ASTN1: variants seen among roughly 807,000 people sequenced by gnomAD.
The protein encoded by ASTN1 is astrotactin-1.
Under a neutral mutation model 140.7 loss-of-function variants are expected in ASTN1, and 41 were observed. The ratio of observed to expected loss-of-function variants is 0.29; its 90% CI spans 0.23 to 0.38. The LOEUF is 0.38. Among genes scored for constraint, ASTN1 ranks in the 10% least tolerant of loss-of-function variants. The pLI is 1.00. For missense variants in ASTN1, 1,479 were observed against 1,678.8 expected (o/e 0.88, Z 2.08); for synonymous variants, 640 against 652.2 (o/e 0.98, Z 0.29).
chr1:176,955,321 A>C lies in ASTN1; in HGVS notation c.1887+2357T>G, dbSNP rs539552329. On this transcript the variant is annotated intron_variant, in intron 11 of 22. Transcript: ENST00000361833. ...ATATCAGAGCTTTAGGACAGCACCG[A>C]TGCTCACTGGAGATGGGTCAGGCTC... Among the ~76,000 whole-genome samples the C allele has an allele frequency of 5.9e-5, 9 of 152,270 alleles. 1 individual carries two copies. Among genetic ancestry groups the C allele is most frequent in the African/African-American group, 2.2e-4 (9 of 41,558 alleles).
At chr1:177,120,623 G>T (rs1681337261) in intron 1 of ASTN1, among the ~76,000 whole-genome samples, 1 of 152,132 alleles carries the variant, frequency 6.6e-6, no homozygotes, top group African/African-American at 2.4e-5. Context: ...CAGACACAAG[G>T]AGGGCCCTCC....
chr1:177,148,006 T>C (rs976449794), intron 1 of ASTN1, among the ~76,000 whole-genome samples: 46 of 152,222 alleles, frequency 3.0e-4, no homozygotes, highest in African/African-American at 1.0e-3. Context: ...GTCATGAAAA[T>C]TGCAGAGACC....
In ASTN1 at chr1:176,965,199, A is replaced by G. The variant is rs1287373195; in HGVS notation, c.1562T>C (p.Leu521Pro). The change falls in exon 9 of 23, where the codon CTG (leucine) becomes CCG (proline). Residue 521 changes from leucine to proline, a missense_variant. By Grantham distance (98) the Leu-to-Pro change is moderately conservative. Transcript: ENST00000361833. ...ATCAGAGGGCTGCTCTCCCAAAACC[A>G]GGTCAAAGCCTCGCTGAAATATTGT... ...PYTIFQRGFDLVLGEQPSDKI... is the reference protein window; with the variant it reads ...PYTIFQRGFDPVLGEQPSDKI... 1.9e-6 allele frequency: 3 copies of G among 1,614,060 alleles called. No homozygotes were observed. The highest frequency in any genetic ancestry group is 2.5e-6 in the Non-Finnish European group (3 of 1,179,918).
At chr1:176,924,626 A>G (rs75498324) in intron 16 of ASTN1, among the ~76,000 whole-genome samples, 1,586 of 152,306 alleles carry the variant, frequency 0.01, 35 homozygotes, top group African/African-American at 0.035. Context: ...TAGTCCAATG[A>G]CTAGATATAG....
chr1:176,971,572 T>A (rs1673142343), intron 8 of ASTN1, among the ~76,000 whole-genome samples: 1 of 152,246 alleles, frequency 6.6e-6, no homozygotes, highest in African/African-American at 2.4e-5. Context: ...TCTTAAAGTC[T>A]AACTTAAAAA....
intron 2 of ASTN1, among the ~76,000 whole-genome samples, chr1:177,036,647 C>G (rs79983182): frequency 0.023 from 3,558 of 152,044 alleles, 120 homozygotes; most frequent in African/African-American, 0.081. Flanking sequence ...AATGCTCTAC[C>G]TGCTTGAGCA....
At position 176,876,646 on chromosome 1, in the gene ASTN1, G is replaced by A. The variant is rs752617269; in HGVS notation, c.3363-9C>T. On this transcript the variant is annotated splice_polypyrimidine_tract_variant and intron_variant, in intron 20 of 22. Transcript: ENST00000361833. ...CTCCCCACAGCGTGAACCTGGCAGG[G>A]AGTGGGAGGGCATGGTTAGCAGAAA... 1 of 1,613,550 alleles carries A rather than the reference G, an allele frequency of 6.2e-7. No individual in the cohort carries two copies. The highest frequency in any genetic ancestry group is 1.3e-5 in the African/African-American group (1 of 74,904).
chr1:177,047,830 T>C (rs549495280), intron 2 of ASTN1, among the ~76,000 whole-genome samples: 33 of 152,140 alleles, frequency 2.2e-4, no homozygotes, highest in African/African-American at 7.5e-4. Flanking sequence ...GTAATAAGAA[T>C]GAATGGGAAG....
intron 16 of ASTN1, among the ~76,000 whole-genome samples, chr1:176,900,485 C>G (rs1669720614): frequency 6.6e-6 from 1 of 152,138 alleles, no homozygotes; most frequent in Non-Finnish European, 1.5e-5. Flanking sequence ...CCCACCCCAT[C>G]AACTAATCTT....
At chr1:177,025,748 C>T (rs1429053893) in intron 5 of ASTN1, among the ~76,000 whole-genome samples, 2 of 152,126 alleles carry the variant, frequency 1.3e-5, no homozygotes, top group Non-Finnish European at 2.9e-5. Context: ...TGGGAACCAC[C>T]CACTTTACAG....
intron 7 of ASTN1, among the ~76,000 whole-genome samples, chr1:177,020,424 G>C (rs1675766181): frequency 6.6e-6 from 1 of 152,082 alleles, no homozygotes; most frequent in Admixed American, 6.6e-5. Context: ...ACATTCCTTG[G>C]CTCATGCCTC....
intron 7 of ASTN1, among the ~76,000 whole-genome samples, chr1:177,021,215 T>G (rs1490297150): frequency 6.6e-6 from 1 of 152,238 alleles, no homozygotes; most frequent in East Asian, 1.9e-4. Flanking sequence ...ACCTTAGTTT[T>G]GTCTTGGGGT....
At chr1:176,944,925 A>G (rs1039431353) in intron 13 of ASTN1, among the ~76,000 whole-genome samples, 1 of 152,226 alleles carries the variant, frequency 6.6e-6, no homozygotes, top group African/African-American at 2.4e-5. Context: ...ACAACAGAAA[A>G]AGCAGCTGAT....
chr1:176,891,547 A>G (rs1357037931), intron 17 of ASTN1, among the ~76,000 whole-genome samples: 1 of 152,144 alleles, frequency 6.6e-6, no homozygotes, highest in Non-Finnish European at 1.5e-5. Flanking sequence ...TAATCCCAAC[A>G]CTTTCGGAGG....
intron 1 of ASTN1, among the ~76,000 whole-genome samples, chr1:177,088,572 C>T (rs894581935): frequency 1.3e-5 from 2 of 152,080 alleles, no homozygotes; most frequent in Non-Finnish European, 2.9e-5. Flanking sequence ...TATCAACAAC[C>T]AAGAGATGCT....
At chr1:177,028,183 T>A (rs1401177361) in intron 5 of ASTN1, among the ~76,000 whole-genome samples, 1 of 152,172 alleles carries the variant, frequency 6.6e-6, no homozygotes, top group Admixed American at 6.5e-5. Context: ...GTCGAGAAAC[T>A]AATTCATTAC....
intron 16 of ASTN1, among the ~76,000 whole-genome samples, chr1:176,919,298 G>C (rs1266021426): frequency 6.6e-6 from 1 of 152,162 alleles, no homozygotes; most frequent in African/African-American, 2.4e-5. Flanking sequence ...AATTACAAAA[G>C]AGATTTTCTT....
intron 8 of ASTN1, among the ~76,000 whole-genome samples, chr1:176,981,988 T>G (rs1244925286): frequency 1.3e-5 from 2 of 152,120 alleles, no homozygotes; most frequent in African/African-American, 2.4e-5. Flanking sequence ...AAAAAAGGCT[T>G]GCGAAGTCAA....
At chr1:177,029,951 T>G (rs1212281106) in intron 4 of ASTN1, among the ~76,000 whole-genome samples, 2 of 152,196 alleles carry the variant, frequency 1.3e-5, no homozygotes, top group African/African-American at 4.8e-5. Context: ...AGCTCTACCC[T>G]GCCCCACCCA....
Sources: gnomAD v4.1 joint callset for allele counts (sites outside exome capture counted in the v4.1 genomes callset) on GRCh38, gnomAD v4.1.1 for gene constraint, MANE v1.5 for transcripts, NCBI Gene and HGNC (gene_info 2026-07-23, HGNC 2026-07-21) for gene names.